OSMR: variants seen among roughly 807,000 people sequenced by gnomAD.
OSMR encodes the protein oncostatin-M-specific receptor subunit beta.
A neutral mutation model predicts 99.9 loss-of-function variants in OSMR; 81 were observed. The ratio of observed to expected loss-of-function variants is 0.81; its 90% CI spans 0.68 to 0.97. The LOEUF (loss-of-function observed/expected upper bound fraction) is 0.97. Ranked by LOEUF, OSMR falls within the 50% of genes least tolerant of loss-of-function variation. The pLI, the probability that OSMR is intolerant of heterozygous loss-of-function variation, is 0.00. For synonymous variants in OSMR, 406 were observed against 410.4 expected (o/e 0.99, Z 0.13); for missense variants, 1,099 against 1,153.4 (o/e 0.95, Z 0.68).
intron 12 of OSMR, among the ~76,000 whole-genome samples, chr5:38,922,644 A>G (rs996218135): frequency 6.6e-6 from 1 of 152,186 alleles, no homozygotes; most frequent in South Asian, 2.1e-4. Context: ...TGCTGGAGAC[A>G]AGACAGTGGG....
Position 38,866,044 on chromosome 5 carries a change from C to G in OSMR, c.-13-2988C>G, listed in dbSNP as rs12657534. On this transcript the variant is annotated intron_variant, in intron 1 of 17. Coordinates refer to ENST00000274276, the MANE Select transcript of OSMR (RefSeq NM_003999.3). Reference sequence around the variant, plus strand: ...ACTGGGCATGTTAATCACCAGGCTCCTGGATGATGTATGTGGGCACCAGCA... The same window carrying G: ...ACTGGGCATGTTAATCACCAGGCTCGTGGATGATGTATGTGGGCACCAGCA... Among the ~76,000 whole-genome samples, 3,471 of 152,230 alleles carry G rather than the reference C, an allele frequency of 0.023. 377 individuals are homozygous for G. The East Asian group carries it at 0.38, about 17-fold the overall frequency.
chr5:38,906,892 G>T (rs1745272397), intron 9 of OSMR, among the ~76,000 whole-genome samples: 3 of 152,170 alleles, frequency 2.0e-5, no homozygotes, highest in Admixed American at 2.0e-4. Context: ...AAATAGGAAA[G>T]TTATTTTTTA....
chr5:38,851,922 C>G (rs1475898680), intron 1 of OSMR, among the ~76,000 whole-genome samples: 1 of 152,198 alleles, frequency 6.6e-6, no homozygotes. Context: ...TCATTCTTCT[C>G]TTGTCTGCCA....
intron 11 of OSMR, 114 bp from the exon 12 acceptor site, chr5:38,921,501 A>C: frequency 6.5e-7 from 1 of 1,550,094 alleles, no homozygotes; most frequent in South Asian, 1.2e-5. Flanking sequence ...ATTGAAGTGG[A>C]GGTCTGTTAC....
intron 2 of OSMR, among the ~76,000 whole-genome samples, chr5:38,874,598 C>G (rs888456755): frequency 6.6e-6 from 1 of 152,162 alleles, no homozygotes; most frequent in Non-Finnish European, 1.5e-5. Context: ...CCATGCAGAG[C>G]CCCATCCTGT....
chr5:38,886,401 G>T, intron 7 of OSMR: 1 of 1,357,102 alleles, frequency 7.4e-7, no homozygotes. Flanking sequence ...GAGCACCAAT[G>T]AGCTTACTAC....
At chr5:38,886,391 G>A (rs1181334994) in intron 7 of OSMR, 10 of 1,378,148 alleles carry the variant, frequency 7.3e-6, no homozygotes, top group South Asian at 1.7e-5. Context: ...ATAATGTCAC[G>A]AGCACCAATG....
At chr5:38,922,653 G>A (rs558174557) in intron 12 of OSMR, among the ~76,000 whole-genome samples, 3 of 152,302 alleles carry the variant, frequency 2.0e-5, no homozygotes, top group Admixed American at 2.0e-4. Flanking sequence ...CAAGACAGTG[G>A]GGCCAGGTGT....
intron 7 of OSMR, among the ~76,000 whole-genome samples, chr5:38,895,313 G>GT (rs1485357318): frequency 6.6e-6 from 1 of 151,986 alleles, no homozygotes; most frequent in African/African-American, 2.4e-5. Context: ...CCAAACACTG[G>GT]TTTTTTGAAA....
At position 38,945,031 on chromosome 5, in the gene OSMR, C is replaced by T; in HGVS notation, c.*172C>T. The T allele has an allele frequency of 1.2e-6, 2 of 1,609,640 alleles. 1 individual carries two copies. ...CCACTTCTAAAGGATTATGGATAGT[C>T]TGCTCACACCAATCAGAATATGGAA... On this transcript the variant is annotated 3_prime_UTR_variant and NMD_transcript_variant, in exon 3 of 3. Coordinates refer to the OSMR transcript ENST00000508882.
downstream of OSMR, chr5:38,939,091 T>C: frequency 4.3e-6 from 1 of 233,118 alleles, no homozygotes; most frequent in Non-Finnish European, 8.5e-6. Flanking sequence ...CAGTTATAAT[T>C]TGAATGACAG....
chr5:38,880,926 G>C (rs16867836), intron 3 of OSMR, among the ~76,000 whole-genome samples: 4,402 of 152,284 alleles, frequency 0.029, 226 homozygotes, highest in African/African-American at 0.1. Context: ...AAGCTTCCTA[G>C]AAAACAGTGT....
At chr5:38,942,236 G>A in intron 1 of OSMR, 1 of 954,552 alleles carries the variant, frequency 1.0e-6, no homozygotes, top group Non-Finnish European at 1.6e-6. Flanking sequence ...CGTATTTTCT[G>A]AGGCTTTTAG....
Position 38,886,175 on chromosome 5 carries a change from AAC to A in OSMR, c.977_978del (p.Asn326ThrfsTer12). 6.2e-7 allele frequency: 1 copy of A among 1,614,122 alleles called. No individual in the cohort carries two copies. The highest frequency in any genetic ancestry group is 8.5e-7 in the Non-Finnish European group (1 of 1,179,962). ...GAAGAGAAGTGTCAATATCCTTTTT[AAC>A]CTGACTCATCGAGGTGAGACTAGAG... Reference protein sequence around the residue: ...LRKRSVNILFNLTHRVYLMNP... With the variant: ...LRKRSVNILFXLTHRVYLMNP... On this transcript the variant is annotated frameshift_variant, in exon 7 of 18. Coordinates refer to ENST00000274276, the MANE Select transcript of OSMR (RefSeq NM_003999.3). LOFTEE classifies it high-confidence loss of function.
intron 11 of OSMR, among the ~76,000 whole-genome samples, chr5:38,919,859 G>A (rs116712373): frequency 0.019 from 2,879 of 152,134 alleles, 94 homozygotes; most frequent in African/African-American, 0.066. Flanking sequence ...GGATGTTGTT[G>A]TTTTGTTTTA....
chr5:38,868,907 C>A, intron 1 of OSMR, 125 bp from the exon 2 acceptor site: 1 of 1,099,536 alleles, frequency 9.1e-7, no homozygotes, highest in Non-Finnish European at 1.3e-6. Context: ...TGACAAGAGG[C>A]ATGGATACAG....
intron 9 of OSMR, among the ~76,000 whole-genome samples, chr5:38,913,443 A>G (rs1180886065): frequency 6.6e-6 from 1 of 151,900 alleles, no homozygotes; most frequent in Non-Finnish European, 1.5e-5. Flanking sequence ...CCAGCTACTC[A>G]AGAGGCTGAG....
chr5:38,876,381 A>G lies in OSMR; in HGVS notation c.246+8A>G. ...TCCAATGTCATCTGGGTGGTAAGTAATTTTTTTGGCTCAATATTTAAAAAA... is the reference window on the plus strand; with the variant it reads ...TCCAATGTCATCTGGGTGGTAAGTAGTTTTTTTGGCTCAATATTTAAAAAA... On this transcript the variant is annotated splice_region_variant and intron_variant, in intron 3 of 17. Coordinates refer to ENST00000274276, the MANE Select transcript of OSMR (RefSeq NM_003999.3). 6.2e-7 allele frequency: 1 copy of G among 1,610,022 alleles called. No homozygotes were observed. The highest frequency in any genetic ancestry group is 8.5e-7 in the Non-Finnish European group (1 of 1,177,018).
chr5:38,904,441 A>T lies in OSMR; in HGVS notation c.1223A>T (p.Asp408Val). The T allele has an allele frequency of 6.2e-7, 1 of 1,614,174 alleles. No homozygotes were observed. Among genetic ancestry groups the T allele is most frequent in the South Asian group, 1.1e-5 (1 of 91,084 alleles). Residue 408 changes from aspartate (D) to valine (V), a missense_variant, in exon 9 of 18, where the codon GAT (aspartate) becomes GTT (valine). Transcript: ENST00000274276. ...TACATGGCGCGAGTACGGTGTGCTG[A>T]TGCCAGCCACTTCTGGAAATGGAGT... is the stretch of plus-strand genomic sequence containing the variant. The part of the protein sequence containing the change: ...TEYMARVRCA[D>V]ASHFWKWSEW...
Sources: allele counts gnomAD v4.1 joint callset (sites outside exome capture counted in the v4.1 genomes callset), GRCh38; gene constraint gnomAD v4.1.1; transcripts MANE v1.5; gene names NCBI Gene and HGNC (gene_info 2026-07-23, HGNC 2026-07-21).